C7orf33: variants seen among roughly 807,000 people sequenced by gnomAD.
The protein encoded by C7orf33 is uncharacterized protein C7orf33.
A neutral mutation model predicts 13.4 loss-of-function variants in C7orf33; 15 were observed. The ratio of observed to expected loss-of-function variants is 1.12; its 90% CI spans 0.75 to 1.72. The LOEUF is 1.72. Among genes scored for constraint, C7orf33 ranks in the 40% most tolerant of loss-of-function variants. The pLI is 0.00. For missense variants in C7orf33, 187 were observed against 220.3 expected (o/e 0.85, Z 0.96); for synonymous variants, 73 against 83.2 (o/e 0.88, Z 0.67).
At position 148,615,450 on chromosome 7, in the gene C7orf33, G is replaced by A. The variant is rs865867551; in HGVS notation, c.*49G>A. 4.4e-6 allele frequency: 5 copies of A among 1,148,148 alleles called. No homozygotes were observed. The highest frequency in any genetic ancestry group is 2.5e-5 in the South Asian group (2 of 80,586). 71.1% of individuals were successfully genotyped at this position (1,148,148 alleles called of 1,614,324 possible). On this transcript the variant is annotated 3_prime_UTR_variant, in exon 3 of 3. Transcript: ENST00000307003. The stretch of plus-strand genomic sequence containing the variant: ...ACATCTCTAAATTTGTGTAGATTGT[G>A]AAATCTCTTCTTGCAAGAAAAAAGA...
chr7:148,609,809 G>A (rs1446911732), intron 1 of C7orf33, among the ~76,000 whole-genome samples: 1 of 152,158 alleles, frequency 6.6e-6, no homozygotes, highest in Non-Finnish European at 1.5e-5. Flanking sequence ...TGGAGGGTTG[G>A]AAAAAGTCAG....
intron 1 of C7orf33, among the ~76,000 whole-genome samples, chr7:148,597,844 T>C (rs1047567902): frequency 2.4e-4 from 37 of 152,134 alleles, no homozygotes; most frequent in African/African-American, 4.6e-4. Flanking sequence ...CAAGCTCCGC[T>C]TCCCAGGTTC....
At chr7:148,613,694 G>T (rs1448656196) in intron 1 of C7orf33, among the ~76,000 whole-genome samples, 2 of 152,184 alleles carry the variant, frequency 1.3e-5, no homozygotes, top group African/African-American at 4.8e-5. Flanking sequence ...ATGGGTACAG[G>T]ATTTCTTTGG....
chr7:148,604,960 G>GAA (rs1796457465), intron 1 of C7orf33, among the ~76,000 whole-genome samples: 1 of 152,226 alleles, frequency 6.6e-6, no homozygotes, highest in South Asian at 2.1e-4. Flanking sequence ...GGCTGAACAC[G>GAA]GTGGCTCACG....
chr7:148,611,506 C>A (rs1296781361), intron 1 of C7orf33, among the ~76,000 whole-genome samples: 2 of 152,176 alleles, frequency 1.3e-5, no homozygotes, highest in East Asian at 1.9e-4. Context: ...AGCCCAACTC[C>A]AGGGAAAGAT....
rs1796262066 is a variant in C7orf33 at position 148,591,004 on chromosome 7, C to T, written c.79C>T (p.Leu27Phe). 6.2e-7 allele frequency: 1 copy of T among 1,614,062 alleles called. No homozygotes were observed. The part of the protein sequence containing the change: ...LPGPQCECEA[L>F]LPSGARRRID... ...AGGCCCCCAATGTGAATGTGAAGCCCTCCTGCCCAGTGGGGCAAGGCGCCG... is the reference window on the plus strand; with the variant it reads ...AGGCCCCCAATGTGAATGTGAAGCCTTCCTGCCCAGTGGGGCAAGGCGCCG... Residue 27 changes from leucine to phenylalanine, a missense_variant, in exon 1 of 3, where the codon CTC (leucine) becomes TTC (phenylalanine). Coordinates refer to ENST00000307003, the MANE Select transcript of C7orf33 (RefSeq NM_145304.4).
rs766453541 is a variant in C7orf33, at chr7:148,614,026, T to TC, written c.205-16_205-15insC. On this transcript the variant is annotated splice_polypyrimidine_tract_variant and intron_variant, in intron 1 of 2. Transcript: ENST00000307003. ...CACCCTTTAACCCAATTTGTTTGTT[T>TC]GTTTGTTTTTTCCAGAAGCCAAACC... is the stretch of plus-strand genomic sequence containing the variant. 15 of 1,609,986 alleles carry TC rather than the reference T, an allele frequency of 9.3e-6. No homozygotes were observed. In the African/African-American group the frequency reaches 1.9e-4, roughly 20 times the overall value.
chr7:148,595,669 TA>T (rs1563120451), intron 1 of C7orf33, among the ~76,000 whole-genome samples: 1 of 110,956 alleles, frequency 9.0e-6, no homozygotes, highest in African/African-American at 3.9e-5. Context: ...CTATATTATA[TA>T]GATATAATAT....
At chr7:148,594,545 A>C (rs1452523175) in intron 1 of C7orf33, among the ~76,000 whole-genome samples, 1 of 152,116 alleles carries the variant, frequency 6.6e-6, no homozygotes, top group Non-Finnish European at 1.5e-5. Flanking sequence ...CTAATACAAG[A>C]AGTAAGAGGA....
In C7orf33 at chr7:148,614,302, C is replaced by T; in HGVS notation, c.459+6C>T. ...TGACAAGTTCATACCTAAACGTAAG[C>T]TCCGAAGTGTCTTAGCACCTCCAAG... On this transcript the variant is annotated splice_donor_region_variant and intron_variant, in intron 2 of 2. Coordinates refer to ENST00000307003, the MANE Select transcript of C7orf33 (RefSeq NM_145304.4). 1 of 1,613,018 alleles carries T rather than the reference C, an allele frequency of 6.2e-7. No individual in the cohort carries two copies. The highest frequency in any genetic ancestry group is 8.5e-7 in the Non-Finnish European group (1 of 1,179,120).
intron 1 of C7orf33, among the ~76,000 whole-genome samples, chr7:148,604,406 C>T (rs1316197501): frequency 6.6e-6 from 1 of 152,158 alleles, no homozygotes; most frequent in Admixed American, 6.5e-5. Context: ...GGATTACAGG[C>T]GTGAGCCACC....
At chr7:148,610,856 AC>A (rs1401519354) in intron 1 of C7orf33, among the ~76,000 whole-genome samples, 8 of 152,156 alleles carry the variant, frequency 5.3e-5, no homozygotes, top group African/African-American at 1.9e-4. Flanking sequence ...TGTCTGACTC[AC>A]CACCTAGTGA....
intron 1 of C7orf33, among the ~76,000 whole-genome samples, chr7:148,610,254 G>A (rs1796522461): frequency 6.6e-6 from 1 of 152,168 alleles, no homozygotes; most frequent in African/African-American, 2.4e-5. Context: ...CTGTCAGGGT[G>A]TTGCCAAAGG....
At chr7:148,614,715 C>A (rs2116906088) in intron 2 of C7orf33, among the ~76,000 whole-genome samples, 1 of 152,312 alleles carries the variant, frequency 6.6e-6, no homozygotes, top group South Asian at 2.1e-4. Flanking sequence ...CCCGTACAAC[C>A]ACTCAGCACA....
chr7:148,598,390 G>A (rs753790082), intron 1 of C7orf33, among the ~76,000 whole-genome samples: 3 of 151,846 alleles, frequency 2.0e-5, no homozygotes, highest in South Asian at 2.1e-4. Context: ...GAAACATCCT[G>A]GTACGTGACA....
At chr7:148,604,573 G>A (rs1796452343) in intron 1 of C7orf33, among the ~76,000 whole-genome samples, 1 of 152,210 alleles carries the variant, frequency 6.6e-6, no homozygotes, top group East Asian at 1.9e-4. Flanking sequence ...GGTGGGAGGG[G>A]GATGAGGAAT....
chr7:148,591,826 C>T (rs1796274693), intron 1 of C7orf33, among the ~76,000 whole-genome samples: 1 of 152,082 alleles, frequency 6.6e-6, no homozygotes, highest in South Asian at 2.1e-4. Flanking sequence ...AACGATCCTC[C>T]CACTTCAACA....
intron 1 of C7orf33, among the ~76,000 whole-genome samples, chr7:148,597,713 T>A (rs1202719467): frequency 6.6e-6 from 1 of 151,198 alleles, no homozygotes; most frequent in Non-Finnish European, 1.5e-5. Context: ...TCATTGTGGA[T>A]CATTCCCTTC....
intron 2 of C7orf33, 53 bp from the exon 3 acceptor site, chr7:148,615,274 G>A: frequency 8.2e-7 from 1 of 1,216,036 alleles, no homozygotes; most frequent in South Asian, 1.2e-5. Context: ...TGATGTTCTA[G>A]GGAAAAGGTA....
Sources: allele counts gnomAD v4.1 joint callset (sites outside exome capture counted in the v4.1 genomes callset), GRCh38; gene constraint gnomAD v4.1.1; transcripts MANE v1.5; gene names NCBI Gene and HGNC (gene_info 2026-07-23, HGNC 2026-07-21).